The following SMARCB1 variants were observed in gnomAD, a reference collection of about 807,000 sequenced individuals.
SMARCB1 encodes SWI/SNF-related matrix-associated actin-dependent regulator of chromatin subfamily B member 1.
SMARCB1 carries 5 observed loss-of-function variants against 49.0 expected under a neutral mutation model. The ratio of observed to expected loss-of-function variants is 0.10; its 90% CI spans 0.05 to 0.21. The LOEUF (loss-of-function observed/expected upper bound fraction) is 0.21. SMARCB1 is among the 10% of genes least tolerant of loss of function. The probability of loss-of-function intolerance (pLI) is 1.00; values close to 1 mark genes in which losing one functional copy is unlikely to be tolerated. For synonymous variants in SMARCB1, 201 were observed against 200.1 expected, an observed-to-expected ratio of 1.00 and a Z score of -0.04; for missense variants, 226 against 509.2, an observed-to-expected ratio of 0.44 and a Z score of 5.35.
At chr22:23,809,205 A>C (rs1370786543) in intron 5 of SMARCB1, among the ~76,000 whole-genome samples, 1 of 151,936 alleles carries the variant, frequency 6.6e-6, no homozygotes, top group African/African-American at 2.4e-5. Flanking sequence ...GTACTGAAAG[A>C]AAAGAACTGT....
At chr22:23,825,189 A>T (rs775635513) in intron 6 of SMARCB1, 36 bp from the exon 7 acceptor site, 6 of 1,604,442 alleles carry the variant, frequency 3.7e-6, no homozygotes, top group Non-Finnish European at 5.1e-6. Context: ...CTGGGCTGCA[A>T]AAGCTCTAAC....
rs2070462 is a variant in SMARCB1, at chr22:23,837,537, G to C, written c.*3357G>C. On this transcript the variant is annotated 3_prime_UTR_variant, in exon 9 of 9. Coordinates refer to ENST00000644036, the MANE Select transcript of SMARCB1 (RefSeq NM_003073.5). ...ACAGCAGCTGGGAGGGCAGGAAGAT[G>C]GGGATGGAGCCAGGTGTGAGGAGAA... 489,975 of 1,036,224 alleles carry C rather than the reference G, an allele frequency of 0.47. 122,583 individuals are homozygous for C. The highest frequency in any genetic ancestry group is 0.53 in the Admixed American group (19,296 of 36,528). The allele number at this position is 1,036,224 out of a possible 1,614,324, so 64.2% of individuals were successfully genotyped here. A position where few individuals can be genotyped will look rare whatever the true frequency, so the allele number is the denominator to read the frequency against.
In SMARCB1 at chr22:23,836,433, G is replaced by A. The variant is rs2146057129; in HGVS notation, c.*2253G>A. ...GTCCTGGCCCCAGCAGCCGAAATCT[G>A]GTGAACTTCCCCGCTGACTGGCAGG... On this transcript the variant is annotated 3_prime_UTR_variant, in exon 9 of 9. Transcript: ENST00000644036. 1 of 989,310 alleles carries A rather than the reference G, an allele frequency of 1.0e-6. No individual in the cohort carries two copies. The highest frequency in any genetic ancestry group is 1.2e-6 in the Non-Finnish European group (1 of 832,712). 61.3% of individuals were successfully genotyped at this position (989,310 alleles called of 1,614,324 possible).
chr22:23,800,655 C>G (rs953261144), intron 3 of SMARCB1, among the ~76,000 whole-genome samples: 2 of 152,164 alleles, frequency 1.3e-5, no homozygotes, highest in Non-Finnish European at 2.9e-5. Context: ...GTACCACTTC[C>G]CCGCATCCAG....
chr22:23,787,694 A>T (rs1418063814), intron 1 of SMARCB1, among the ~76,000 whole-genome samples: 1 of 152,156 alleles, frequency 6.6e-6, no homozygotes, highest in Non-Finnish European at 1.5e-5. Context: ...GGCAGGCTGG[A>T]AACCCTGGAC....
In SMARCB1 at chr22:23,836,319, G is replaced by A; in HGVS notation, c.*2139G>A. ...GCCCACCTGTCAGGGTGGCTGATGA[G>A]AGACAGGAGAGGCTAGATTGGCATC... On this transcript the variant is annotated 3_prime_UTR_variant, in exon 9 of 9. Coordinates refer to ENST00000644036, the MANE Select transcript of SMARCB1 (RefSeq NM_003073.5). 3.7e-5 allele frequency: 36 copies of A among 985,538 alleles called. No homozygotes were observed. The highest frequency in any genetic ancestry group is 4.3e-5 in the Non-Finnish European group (36 of 829,966). The allele number at this position is 985,538 out of a possible 1,614,324, so 61.0% of individuals were successfully genotyped here.
intron 4 of SMARCB1, 78 bp downstream of exon 4, chr22:23,801,159 C>A: frequency 6.2e-7 from 1 of 1,605,914 alleles, no homozygotes; most frequent in Non-Finnish European, 8.5e-7. Flanking sequence ...CCTTCCTCCC[C>A]AGAAAAACAC....
rs531513740 is a variant in SMARCB1 at position 23,792,441 on chromosome 22, G to A, written c.232+547G>A. On this transcript the variant is annotated intron_variant, in intron 2 of 8. Coordinates refer to ENST00000644036, the MANE Select transcript of SMARCB1 (RefSeq NM_003073.5). ...GTGAAACTAGTGGGCTTTGGGTCACGGCAGCTCTGTGCAGGGTGAAAGGGT... is the reference window on the plus strand; with the variant it reads ...GTGAAACTAGTGGGCTTTGGGTCACAGCAGCTCTGTGCAGGGTGAAAGGGT... 4.6e-5 allele frequency: 12 copies of A among 263,222 alleles called. No individual in the cohort carries two copies. The South Asian group carries it at 5.0e-4, about 11-fold the overall frequency. The allele number at this position is 263,222 out of a possible 1,614,324, so 16.3% of individuals were successfully genotyped here.
intron 7 of SMARCB1, among the ~76,000 whole-genome samples, chr22:23,827,499 C>CTT (rs2030445370): frequency 6.6e-6 from 1 of 152,190 alleles, no homozygotes; most frequent in African/African-American, 2.4e-5. Context: ...CGGGCCCCTT[C>CTT]TTTATCTCAT....
intron 5 of SMARCB1, among the ~76,000 whole-genome samples, chr22:23,805,784 C>T (rs1260990133): frequency 2.0e-5 from 3 of 152,234 alleles, no homozygotes; most frequent in African/African-American, 7.2e-5. Context: ...GGATTACAGG[C>T]GTGAGCCACC....
chr22:23,812,937 T>C (rs1394653502), intron 5 of SMARCB1, among the ~76,000 whole-genome samples: 1 of 150,618 alleles, frequency 6.6e-6, no homozygotes, highest in East Asian at 2.0e-4. Flanking sequence ...TGATCTCAGC[T>C]CACTGCAAAC....
At chr22:23,826,425 CAA>C (rs5844570) in intron 7 of SMARCB1, among the ~76,000 whole-genome samples, 80 of 110,530 alleles carry the variant, frequency 7.2e-4, no homozygotes, top group East Asian at 7.5e-4. Context: ...ACCCTGTCTC[CAA>C]AAAAAAAAAA....
At position 23,807,570 on chromosome 22, in the gene SMARCB1, G is replaced by A. The variant is rs1024473501; in HGVS notation, c.628+4148G>A. Among the ~76,000 whole-genome samples the A allele has an allele frequency of 6.4e-5, 9 of 139,744 alleles. 1 individual carries two copies. In the South Asian group the frequency reaches 1.7e-3, roughly 26 times the overall value. The allele number at this position is 139,744 out of a possible 152,430, so 91.7% of individuals were successfully genotyped here. A position where few individuals can be genotyped will look rare whatever the true frequency, so the allele number is the denominator to read the frequency against. Reference sequence around the variant, plus strand: ...AGCCTGGGCAACAGAGTGAGACCCTGTCTCAAAAACTTTTTTTTTAAAGTT... The same window carrying A: ...AGCCTGGGCAACAGAGTGAGACCCTATCTCAAAAACTTTTTTTTTAAAGTT... On this transcript the variant is annotated intron_variant, in intron 5 of 8. Coordinates refer to ENST00000644036, the MANE Select transcript of SMARCB1 (RefSeq NM_003073.5).
rs569889280 is a variant in SMARCB1 at position 23,837,972 on chromosome 22, G to C, written c.*3792G>C. 7.9e-7 allele frequency: 1 copy of C among 1,271,564 alleles called. No individual in the cohort carries two copies. The highest frequency in any genetic ancestry group is 1.1e-6 in the Non-Finnish European group (1 of 939,844). 78.8% of individuals were successfully genotyped at this position (1,271,564 alleles called of 1,614,324 possible). A position where few individuals can be genotyped will look rare whatever the true frequency, so the allele number is the denominator to read the frequency against. On this transcript the variant is annotated 3_prime_UTR_variant, in exon 9 of 9. Transcript: ENST00000644036. ...CCCCTATGTGCTATTCCCTCATCAA[G>C]ATGAGCCAGTCCAATAAAGGCGACA...
intron 5 of SMARCB1, among the ~76,000 whole-genome samples, chr22:23,808,346 C>G (rs934041706): frequency 6.6e-6 from 1 of 152,218 alleles, no homozygotes; most frequent in Admixed American, 6.5e-5. Flanking sequence ...TGGTCTCGAT[C>G]TCCCGACCTC....
intron 6 of SMARCB1, chr22:23,824,943 G>A: frequency 1.9e-6 from 1 of 538,794 alleles, no homozygotes; most frequent in East Asian, 3.3e-5. Context: ...GCACAGGGGA[G>A]ATGGGATGAA....
Position 23,834,360 on chromosome 22 carries a change from G to T in SMARCB1, c.*180G>T, listed in dbSNP as rs1203209093. On this transcript the variant is annotated 3_prime_UTR_variant, in exon 9 of 9. Transcript: ENST00000644036. ...CACACATTCCATTTGTTGAGCCCCA[G>T]TCCTGCCCCCCACCCCACCCTCCCT... The T allele has an allele frequency of 2.8e-6, 2 of 726,458 alleles. No individual in the cohort carries two copies. The highest frequency in any genetic ancestry group is 4.9e-6 in the Non-Finnish European group (2 of 409,420). The allele number at this position is 726,458 out of a possible 1,614,324, so 45.0% of individuals were successfully genotyped here.
chr22:23,795,498 G>A (rs376738409), intron 3 of SMARCB1, among the ~76,000 whole-genome samples: 2 of 151,726 alleles, frequency 1.3e-5, no homozygotes, highest in African/African-American at 2.4e-5. Context: ...TCTGCTAAAC[G>A]TACAAAGTTA....
At chr22:23,826,826 G>A (rs1001252806) in intron 7 of SMARCB1, among the ~76,000 whole-genome samples, 1 of 152,184 alleles carries the variant, frequency 6.6e-6, no homozygotes, top group African/African-American at 2.4e-5. Context: ...CCCGGGCCTG[G>A]GAAACAGCTG....
Sources: allele counts gnomAD v4.1 joint callset (sites outside exome capture counted in the v4.1 genomes callset), GRCh38; gene constraint gnomAD v4.1.1; transcripts MANE v1.5; gene names NCBI Gene and HGNC (gene_info 2026-07-23, HGNC 2026-07-21).